CSRNP3: variants seen among roughly 807,000 people sequenced by gnomAD.
CSRNP3 encodes cysteine and serine rich nuclear protein 3.
A neutral mutation model predicts 48.0 loss-of-function variants in CSRNP3; 12 were observed. The observed-to-expected ratio is 0.25, with a 90% CI of 0.16 to 0.41. The LOEUF is 0.41. Ranked by LOEUF, CSRNP3 falls within the 10% of genes least tolerant of loss-of-function variation. The probability of loss-of-function intolerance (pLI) is 1.00; values close to 1 mark genes in which losing one functional copy is unlikely to be tolerated. For missense variants in CSRNP3, 580 were observed against 724.4 expected (o/e 0.80, Z 2.29); for synonymous variants, 263 against 269.7 (o/e 0.98, Z 0.24).
intron 3 of CSRNP3, among the ~76,000 whole-genome samples, chr2:165,554,109 T>C (rs140538948): frequency 1.9e-4 from 29 of 152,206 alleles, no homozygotes; most frequent in African/African-American, 6.7e-4. Context: ...TTGTAGAGAG[T>C]TGATCACTCC....
intron 4 of CSRNP3, among the ~76,000 whole-genome samples, chr2:165,600,893 G>GA (rs1489251709): frequency 1.3e-5 from 2 of 152,160 alleles, no homozygotes; most frequent in Non-Finnish European, 2.9e-5. Context: ...TACAAATACA[G>GA]AAATTGATAA....
At chr2:165,495,428 G>T (rs1684272187) in intron 2 of CSRNP3, among the ~76,000 whole-genome samples, 1 of 152,032 alleles carries the variant, frequency 6.6e-6, no homozygotes. Flanking sequence ...TCAAGGCCAA[G>T]TTCATGCTCT....
At chr2:165,546,267 C>T (rs1490098065) in intron 3 of CSRNP3, among the ~76,000 whole-genome samples, 1 of 152,172 alleles carries the variant, frequency 6.6e-6, no homozygotes, top group African/African-American at 2.4e-5. Flanking sequence ...TCTCGGCTCA[C>T]TGCAACCTCT....
rs1036684764 is a variant in CSRNP3, at chr2:165,682,050, T to G, written c.*2297T>G. On this transcript the variant is annotated 3_prime_UTR_variant, in exon 7 of 7. Transcript: ENST00000651982. ...CTGCTTGTGAAGTACTCTGAGGTTA[T>G]TCTTGGAACACAGAGTGTGGGAGAG... 3 of 151,844 alleles carry G rather than the reference T, an allele frequency of 2.0e-5. No individual in the cohort carries two copies. The highest frequency in any genetic ancestry group is 2.0e-4 in the Admixed American group (3 of 15,198). The allele number at this position is 151,844 out of a possible 1,614,324, so 9.4% of individuals were successfully genotyped here. A position where few individuals can be genotyped will look rare whatever the true frequency, so the allele number is the denominator to read the frequency against.
At chr2:165,678,666 G>A in intron 6 of CSRNP3, 35 bp from the exon 7 acceptor site, 1 of 1,590,138 alleles carries the variant, frequency 6.3e-7, no homozygotes, top group Non-Finnish European at 8.6e-7. Context: ...GTTTGTAATA[G>A]TTCCATGGTG....
intron 3 of CSRNP3, among the ~76,000 whole-genome samples, chr2:165,588,002 G>C (rs1685658950): frequency 6.6e-6 from 1 of 152,172 alleles, no homozygotes; most frequent in African/African-American, 2.4e-5. Flanking sequence ...CATTGTTCTA[G>C]GCACTTGAAA....
intron 4 of CSRNP3, among the ~76,000 whole-genome samples, chr2:165,597,830 G>A (rs1269538325): frequency 2.0e-5 from 3 of 151,912 alleles, no homozygotes; most frequent in Non-Finnish European, 4.4e-5. Context: ...GTAACAAAGA[G>A]GCAGATTAAA....
At position 165,685,179 on chromosome 2, in the gene CSRNP3, A is replaced by T. The variant is rs1291940332; in HGVS notation, c.*5426A>T. The stretch of plus-strand genomic sequence containing the variant: ...ACATTTAAAAAAGCTCTTCTTTCAC[A>T]TTTTACCTACCAAATCTAGATATTC... On this transcript the variant is annotated 3_prime_UTR_variant, in exon 7 of 7. Transcript: ENST00000651982. 2.0e-4 allele frequency: 30 copies of T among 152,090 alleles called. No homozygotes were observed. Among genetic ancestry groups the T allele is most frequent in the Admixed American group, 2.0e-3 (30 of 15,232 alleles). The allele number at this position is 152,090 out of a possible 1,614,324, so 9.4% of individuals were successfully genotyped here.
chr2:165,522,298 TCAAACAAA>T (rs141311752), intron 3 of CSRNP3, among the ~76,000 whole-genome samples: 15 of 151,240 alleles, frequency 9.9e-5, no homozygotes, highest in Admixed American at 7.2e-4. Context: ...AGGCCTTGTC[TCAAACAAA>T]CAAACAAACA....
chr2:165,562,049 A>G (rs1372692670), intron 3 of CSRNP3, among the ~76,000 whole-genome samples: 2 of 152,158 alleles, frequency 1.3e-5, no homozygotes, highest in African/African-American at 4.8e-5. Flanking sequence ...TGTTGACAGA[A>G]GTAGTATTAT....
At chr2:165,611,920 T>A (rs994195603) in intron 4 of CSRNP3, among the ~76,000 whole-genome samples, 5 of 152,112 alleles carry the variant, frequency 3.3e-5, no homozygotes, top group African/African-American at 1.2e-4. Context: ...TGTAGTTAAT[T>A]TTCCAAGTAT....
At chr2:165,656,643 C>T (rs183847349) in intron 4 of CSRNP3, among the ~76,000 whole-genome samples, 119 of 152,248 alleles carry the variant, frequency 7.8e-4, no homozygotes, top group African/African-American at 2.8e-3. Flanking sequence ...GTTCATAATG[C>T]TATTTAATGA....
Position 165,689,208 on chromosome 2 carries a change from A to G in CSRNP3, c.*9455A>G, listed in dbSNP as rs1169333365. ...TGTATTTATATTTTCAGTATTTATTATGAATGACATGGAAATTCGTGTATT... is the reference window on the plus strand; with the variant it reads ...TGTATTTATATTTTCAGTATTTATTGTGAATGACATGGAAATTCGTGTATT... On this transcript the variant is annotated 3_prime_UTR_variant, in exon 7 of 7. Transcript: ENST00000651982. The G allele has an allele frequency of 6.6e-6, 1 of 152,292 alleles. No individual in the cohort carries two copies. Among genetic ancestry groups the G allele is most frequent in the South Asian group, 2.1e-4 (1 of 4,832 alleles). The allele number at this position is 152,292 out of a possible 1,614,324, so 9.4% of individuals were successfully genotyped here.
At chr2:165,487,935 A>G (rs1196575618) in intron 1 of CSRNP3, among the ~76,000 whole-genome samples, 3 of 138,930 alleles carry the variant, frequency 2.2e-5, no homozygotes, top group Admixed American at 7.3e-5. Flanking sequence ...GATCAAATTC[A>G]CACATAACAA....
At chr2:165,531,938 C>T (rs1207690247) in intron 3 of CSRNP3, among the ~76,000 whole-genome samples, 12 of 152,138 alleles carry the variant, frequency 7.9e-5, no homozygotes, top group Non-Finnish European at 1.8e-4. Context: ...CACCTCTACA[C>T]AAATAAACTA....
intron 4 of CSRNP3, among the ~76,000 whole-genome samples, chr2:165,621,053 C>G (rs1267049186): frequency 1.3e-5 from 2 of 152,048 alleles, no homozygotes; most frequent in Non-Finnish European, 2.9e-5. Context: ...CCTCTCTTAT[C>G]TTATTTAATT....
intron 4 of CSRNP3, among the ~76,000 whole-genome samples, chr2:165,623,481 A>G (rs980927652): frequency 2.6e-5 from 4 of 152,300 alleles, no homozygotes; most frequent in Admixed American, 2.6e-4. Context: ...TCTTGCACAA[A>G]ACCAGTCCCT....
In CSRNP3 at chr2:165,676,359, A is replaced by G. The variant is rs745421819; in HGVS notation, c.456A>G (p.Thr152=). Residue 152 remains threonine, a synonymous_variant, in exon 6 of 7, where the codon ACA becomes ACG. Coordinates refer to ENST00000651982, the MANE Select transcript of CSRNP3 (RefSeq NM_001172173.2). ...AATCAGAAGAAGCCAGCACTCTTAC[A>G]CTGGATGACATTTCTGATGATGACA... ...TVESEEASTL[T]LDDISDDDID... The G allele has an allele frequency of 1.2e-6, 2 of 1,614,100 alleles. No individual in the cohort carries two copies. The highest frequency in any genetic ancestry group is 1.1e-5 in the South Asian group (1 of 91,082).
intron 4 of CSRNP3, among the ~76,000 whole-genome samples, chr2:165,607,539 G>A (rs979582862): frequency 3.9e-5 from 6 of 152,130 alleles, no homozygotes; most frequent in Non-Finnish European, 5.9e-5. Context: ...AATTGCTTCT[G>A]TGCTATAAAT....
Sources: gnomAD v4.1 joint callset for allele counts (sites outside exome capture counted in the v4.1 genomes callset) on GRCh38, gnomAD v4.1.1 for gene constraint, MANE v1.5 for transcripts, NCBI Gene and HGNC (gene_info 2026-07-23, HGNC 2026-07-21) for gene names.